CAMTA1: variants seen among roughly 807,000 people sequenced by gnomAD.
CAMTA1 encodes calmodulin-binding transcription activator 1.
In CAMTA1, 27 loss-of-function variants were observed where a neutral mutation model predicts 170.9. That is an observed-to-expected ratio of 0.16 (90% CI 0.12 to 0.22). The LOEUF (loss-of-function observed/expected upper bound fraction) is 0.22. Ranked by LOEUF, CAMTA1 falls within the 10% of genes least tolerant of loss-of-function variation. The pLI, the probability that CAMTA1 is intolerant of heterozygous loss-of-function variation, is 1.00. For synonymous variants in CAMTA1, 833 were observed against 891.5 expected (o/e 0.93, Z 1.17); for missense variants, 1,619 against 2,217.2 (o/e 0.73, Z 5.42).
chr1:7,650,466 G>T (rs1478653403), intron 7 of CAMTA1, among the ~76,000 whole-genome samples: 1 of 152,166 alleles, frequency 6.6e-6, no homozygotes, highest in Admixed American at 6.5e-5. Context: ...TGTCCCACTT[G>T]CAAGAAGAAA....
intron 4 of CAMTA1, among the ~76,000 whole-genome samples, chr1:7,203,489 G>GTTTTTT (rs34908605): frequency 7.2e-6 from 1 of 138,716 alleles, no homozygotes; most frequent in Non-Finnish European, 1.6e-5. Flanking sequence ...CTTGTGGGTA[G>GTTTTTT]TTTTTTTTTT....
chr1:7,361,809 G>A (rs780427422), intron 5 of CAMTA1, among the ~76,000 whole-genome samples: 3 of 152,160 alleles, frequency 2.0e-5, no homozygotes, highest in East Asian at 3.9e-4. Context: ...AACGTAAACC[G>A]AGTTTCCTTC....
intron 4 of CAMTA1, among the ~76,000 whole-genome samples, chr1:7,133,349 C>A (rs759610043): frequency 6.6e-6 from 1 of 152,176 alleles, no homozygotes; most frequent in African/African-American, 2.4e-5. Context: ...TTTAAGTTAT[C>A]AAATTCATTG....
At chr1:7,240,566 G>A (rs1436650809) in intron 4 of CAMTA1, among the ~76,000 whole-genome samples, 1 of 149,662 alleles carries the variant, frequency 6.7e-6, no homozygotes, top group Non-Finnish European at 1.5e-5. Flanking sequence ...CTGTCACCCA[G>A]GCTGGAGTGC....
At chr1:7,487,572 T>C (rs1026172979) in intron 6 of CAMTA1, among the ~76,000 whole-genome samples, 14 of 152,318 alleles carry the variant, frequency 9.2e-5, no homozygotes, top group Admixed American at 7.2e-4. Context: ...GCCCGTGCTC[T>C]CTAGCATCCC....
chr1:7,129,562 T>G (rs1645128823), intron 4 of CAMTA1, among the ~76,000 whole-genome samples: 1 of 152,226 alleles, frequency 6.6e-6, no homozygotes, highest in South Asian at 2.1e-4. Flanking sequence ...GGCAATACAC[T>G]TAATTCCTTT....
chr1:6,835,470 C>G lies in CAMTA1; in HGVS notation c.234+10260C>G, dbSNP rs117252148. ...ATACGGAGAGGCTGGCATTCTTTAG[C>G]TGAGTGGATTTAGGCTTGAGCTGGA... On this transcript the variant is annotated intron_variant, in intron 3 of 22. Coordinates refer to ENST00000303635, the MANE Select transcript of CAMTA1 (RefSeq NM_015215.4). Among the ~76,000 whole-genome samples, 167 of 152,290 alleles carry G rather than the reference C, an allele frequency of 1.1e-3. 3 individuals carry two copies. The East Asian group carries it at 0.026, about 24-fold the overall frequency.
chr1:7,570,273 AG>A lies in CAMTA1; in HGVS notation c.511-70125del, dbSNP rs1208701429. 6.6e-6 allele frequency among the ~76,000 whole-genome samples: 1 copy of A among 152,188 alleles called. No individual in the cohort carries two copies. The highest frequency in any genetic ancestry group is 1.5e-5 in the Non-Finnish European group (1 of 68,038). ...CCCTGGCTTCTGCTTTTGATCCCTG[AG>A]GAGATGCAACCCTTCCTTTAAAAGT... On this transcript the variant is annotated intron_variant, in intron 6 of 22. Coordinates refer to ENST00000303635, the MANE Select transcript of CAMTA1 (RefSeq NM_015215.4). The surrounding 1 kb of genome is among the most constrained non-coding windows in gnomAD (Gnocchi z 4.3).
intron 3 of CAMTA1, among the ~76,000 whole-genome samples, chr1:6,975,077 C>T (rs1693174150): frequency 6.6e-6 from 1 of 152,206 alleles, no homozygotes; most frequent in Non-Finnish European, 1.5e-5. Flanking sequence ...GGCGCCATCT[C>T]TGTTTTCTGG....
chr1:7,242,895 G>A (rs1238184182), intron 4 of CAMTA1, among the ~76,000 whole-genome samples: 1 of 152,062 alleles, frequency 6.6e-6, no homozygotes, highest in Non-Finnish European at 1.5e-5. Context: ...CCAGAAGGCG[G>A]AGCTTGCAGT....
intron 5 of CAMTA1, among the ~76,000 whole-genome samples, chr1:7,319,127 T>C (rs954929343): frequency 2.6e-5 from 4 of 152,210 alleles, no homozygotes; most frequent in African/African-American, 9.7e-5. Context: ...AGCTACATGA[T>C]TAATTACTTA....
At chr1:7,101,780 AAC>A (rs781461615) in intron 4 of CAMTA1, among the ~76,000 whole-genome samples, 8 of 151,076 alleles carry the variant, frequency 5.3e-5, no homozygotes, top group East Asian at 1.9e-4. Flanking sequence ...ACAAATTTGT[AAC>A]ACACAATACA....
intron 6 of CAMTA1, among the ~76,000 whole-genome samples, chr1:7,479,540 C>G (rs2093478271): frequency 6.6e-6 from 1 of 152,238 alleles, no homozygotes; most frequent in Non-Finnish European, 1.5e-5. Flanking sequence ...TCCTCTCACT[C>G]CACCTGGCTG....
At chr1:7,374,257 A>G (rs2086689262) in intron 5 of CAMTA1, among the ~76,000 whole-genome samples, 1 of 152,268 alleles carries the variant, frequency 6.6e-6, no homozygotes, top group African/African-American at 2.4e-5. Context: ...CAACTCAGGG[A>G]TGGGCAAAGT....
In CAMTA1 at chr1:7,283,049, A is replaced by C. The variant is rs534526007; in HGVS notation, c.438+33423A>C. Among the ~76,000 whole-genome samples, 14 of 152,322 alleles carry C rather than the reference A, an allele frequency of 9.2e-5. 1 individual carries two copies. In the South Asian group the frequency reaches 2.9e-3, roughly 32 times the overall value. On this transcript the variant is annotated intron_variant, in intron 5 of 22. Transcript: ENST00000303635. ...CTCTTCAATGATAAGGAACAAGTTA[A>C]ATAAATCATGGTACTCTGCAAACAT...
At chr1:6,948,972 T>C (rs1373202757) in intron 3 of CAMTA1, among the ~76,000 whole-genome samples, 1 of 152,180 alleles carries the variant, frequency 6.6e-6, no homozygotes, top group Non-Finnish European at 1.5e-5. Context: ...TCCCCCACTT[T>C]AGGGTTTAAC....
At chr1:7,625,070 C>T (rs1041110952) in intron 6 of CAMTA1, among the ~76,000 whole-genome samples, 18 of 152,082 alleles carry the variant, frequency 1.2e-4, no homozygotes, top group Admixed American at 8.5e-4. Context: ...TGGATCCAGC[C>T]GATCATGGAG....
At chr1:7,507,130 T>C (rs765141397) in intron 6 of CAMTA1, among the ~76,000 whole-genome samples, 1 of 150,492 alleles carries the variant, frequency 6.6e-6, no homozygotes, top group Admixed American at 6.6e-5. Flanking sequence ...CCTCTCACAT[T>C]CACACACTCA....
intron 3 of CAMTA1, among the ~76,000 whole-genome samples, chr1:6,845,333 G>A (rs547888889): frequency 6.4e-4 from 97 of 152,250 alleles, no homozygotes; most frequent in Middle Eastern, 6.8e-3. Context: ...TGGCATCTCC[G>A]TTTATATCTG....
Sources: gnomAD v4.1 joint callset for allele counts (sites outside exome capture counted in the v4.1 genomes callset) on GRCh38, gnomAD v4.1.1 for gene constraint, Gnocchi (gnomAD v3.1) non-coding constraint, MANE v1.5 for transcripts, NCBI Gene and HGNC (gene_info 2026-07-23, HGNC 2026-07-21) for gene names.